DYNC2I1: variants seen among roughly 807,000 people sequenced by gnomAD.
The protein encoded by DYNC2I1 is dynein 2 intermediate chain 1, also known as cytoplasmic dynein 2 intermediate chain 1.
Under a neutral mutation model 133.4 loss-of-function variants are expected in DYNC2I1, and 89 were observed. That is an observed-to-expected ratio of 0.67 (90% CI 0.56 to 0.80). The LOEUF (loss-of-function observed/expected upper bound fraction) is 0.80, where lower values mean the gene tolerates loss of function less well. DYNC2I1 is among the 30% of genes least tolerant of loss of function. The pLI is 0.00. For missense variants in DYNC2I1, 1,291 were observed against 1,314.5 expected (o/e 0.98, Z 0.28); for synonymous variants, 504 against 484.3 (o/e 1.04, Z -0.54).
the DYNC2I1 span, among the ~76,000 whole-genome samples, chr7:158,850,294 G>A: frequency 2.6e-5 from 4 of 152,212 alleles, no homozygotes; most frequent in African/African-American, 9.6e-5. Flanking sequence ...GGAGGCCCAG[G>A]TCTACAGTTG....
At chr7:158,942,810 CCAGTATGGCTGGGGCGTGCATGT>C (rs1354743039) in intron 24 of DYNC2I1, among the ~76,000 whole-genome samples, 1 of 152,214 alleles carries the variant, frequency 6.6e-6, no homozygotes, top group African/African-American at 2.4e-5. Flanking sequence ...CACAGGCAGA[CCAGTATGGCTGGGGCGTGCATGT>C]CAGTTCACGT....
At chr7:158,915,777 A>G (rs1848136910) in intron 14 of DYNC2I1, among the ~76,000 whole-genome samples, 1 of 144,960 alleles carries the variant, frequency 6.9e-6, no homozygotes, top group Non-Finnish European at 1.5e-5. Flanking sequence ...GCTGGTTGAG[A>G]TTAAGGATGA....
intron 23 of DYNC2I1, among the ~76,000 whole-genome samples, chr7:158,938,671 G>A (rs1029219495): frequency 3.9e-5 from 6 of 152,088 alleles, no homozygotes; most frequent in African/African-American, 1.4e-4. Context: ...CAGGAGAATC[G>A]CTTTAACATG....
intron 15 of DYNC2I1, among the ~76,000 whole-genome samples, chr7:158,921,818 T>G (rs1162028582): frequency 6.6e-6 from 1 of 152,238 alleles, no homozygotes; most frequent in Non-Finnish European, 1.5e-5. Flanking sequence ...CCTATCCTCC[T>G]GTTTCACGAG....
rs1851785755 is a variant in DYNC2I1 at position 158,945,445 on chromosome 7, A to G, written c.3003-136A>G. On this transcript the variant is annotated intron_variant, in intron 24 of 24. Transcript: ENST00000407559. This position sits in a 1 kb window ranked among gnomAD's most constrained non-coding sequence, Gnocchi z 4.1. Reference sequence around the variant, plus strand: ...CACATTTATTTCTGGTCTAGCTTTCATTTTGGCTATTGGTATTTTTAGAAT... The same window carrying G: ...CACATTTATTTCTGGTCTAGCTTTCGTTTTGGCTATTGGTATTTTTAGAAT... 5 of 980,038 alleles carry G rather than the reference A, an allele frequency of 5.1e-6. No individual in the cohort carries two copies. The highest frequency in any genetic ancestry group is 7.4e-6 in the Non-Finnish European group (5 of 679,588). The allele number at this position is 980,038 out of a possible 1,614,324, so 60.7% of individuals were successfully genotyped here.
chr7:158,901,690 C>A, intron 8 of DYNC2I1, 49 bp from the exon 9 acceptor site: 3 of 1,233,422 alleles, frequency 2.4e-6, no homozygotes, highest in Non-Finnish European at 3.4e-6. Flanking sequence ...TTGCAATATT[C>A]AATTTTATGA....
chr7:158,890,871 G>C (rs1845141326), intron 7 of DYNC2I1, among the ~76,000 whole-genome samples: 1 of 152,094 alleles, frequency 6.6e-6, no homozygotes, highest in African/African-American at 2.4e-5. Context: ...ACTGTGCCCA[G>C]CCTGGGTAGT....
chr7:158,863,001 G>T (rs1446377689), intron 1 of DYNC2I1, among the ~76,000 whole-genome samples: 2 of 151,830 alleles, frequency 1.3e-5, no homozygotes, highest in East Asian at 3.9e-4. Context: ...GAGTGTTACA[G>T]CTCATAAAGG....
chr7:158,923,554 G>A lies in DYNC2I1; in HGVS notation c.2095-17G>A. On this transcript the variant is annotated splice_polypyrimidine_tract_variant and intron_variant, in intron 16 of 24. Transcript: ENST00000407559. ...CATATTCTTCTGTCATTGGCTTTCT[G>A]TGCCTTTGTCTTTTAGGTCACGTGT... 6.2e-7 allele frequency: 1 copy of A among 1,614,000 alleles called. No homozygotes were observed. The highest frequency in any genetic ancestry group is 8.5e-7 in the Non-Finnish European group (1 of 1,179,894).
chr7:158,883,859 T>G (rs1192853098), intron 5 of DYNC2I1, among the ~76,000 whole-genome samples: 1 of 148,652 alleles, frequency 6.7e-6, no homozygotes, highest in African/African-American at 2.5e-5. Flanking sequence ...AGAGACGGAG[T>G]TTCACCGTGT....
chr7:158,898,398 C>T (rs1295171838), intron 8 of DYNC2I1, among the ~76,000 whole-genome samples: 1 of 152,170 alleles, frequency 6.6e-6, no homozygotes, highest in East Asian at 1.9e-4. Context: ...TAGTTTTTGA[C>T]TTAAATAATT....
chr7:158,930,647 T>C, intron 21 of DYNC2I1, 132 bp downstream of exon 21: 2 of 740,308 alleles, frequency 2.7e-6, no homozygotes, highest in Non-Finnish European at 4.4e-6. Context: ...GTTTTTTTAC[T>C]GTTTTGTTAG....
intron 6 of DYNC2I1, 91 bp from the exon 7 acceptor site, chr7:158,886,930 G>T: frequency 1.7e-6 from 2 of 1,202,740 alleles, no homozygotes; most frequent in Non-Finnish European, 2.4e-6. Flanking sequence ...TCAAAATATT[G>T]TTAAGAGCTT....
intron 11 of DYNC2I1, among the ~76,000 whole-genome samples, chr7:158,909,588 C>T (rs114494904): frequency 0.015 from 2,331 of 152,134 alleles, 50 homozygotes; most frequent in African/African-American, 0.053. Flanking sequence ...CAGAGAAATC[C>T]TCCAGCTAAA....
Position 158,905,456 on chromosome 7 carries a change from A to G in DYNC2I1, c.1358-533A>G, listed in dbSNP as rs563513629. 2.4e-3 allele frequency among the ~76,000 whole-genome samples: 360 copies of G among 152,260 alleles called. 2 individuals are homozygous for G. Among genetic ancestry groups the G allele is most frequent in the African/African-American group, 8.5e-3 (353 of 41,566 alleles). ...GTATCTGGCCAAGTTGTTCATTCTT[A>G]TATAATATGAACCTTTTCCATCAGC... is the stretch of plus-strand genomic sequence containing the variant. On this transcript the variant is annotated intron_variant, in intron 10 of 24. Transcript: ENST00000407559.
At chr7:158,902,681 A>G in intron 10 of DYNC2I1, 86 bp downstream of exon 10, 1 of 1,244,096 alleles carries the variant, frequency 8.0e-7, no homozygotes, top group East Asian at 2.3e-5. Flanking sequence ...ACACAGGCCT[A>G]CTCTAATAAG....
At chr7:158,954,196 C>G (rs894486145) in intron 4 of DYNC2I1, among the ~76,000 whole-genome samples, 2 of 152,278 alleles carry the variant, frequency 1.3e-5, no homozygotes, top group Admixed American at 1.3e-4. Context: ...TGAGGCCTCC[C>G]CAGCCATGTG....
intron 4 of DYNC2I1, among the ~76,000 whole-genome samples, chr7:158,952,161 G>T (rs953161332): frequency 6.6e-6 from 1 of 152,164 alleles, no homozygotes; most frequent in Admixed American, 6.5e-5. Context: ...CGAGGAGGGC[G>T]CGGTAAACAC....
intron 24 of DYNC2I1, among the ~76,000 whole-genome samples, chr7:158,943,230 CTG>C (rs1851549859): frequency 6.6e-6 from 1 of 152,224 alleles, no homozygotes; most frequent in Non-Finnish European, 1.5e-5. Context: ...AAAATCCAGA[CTG>C]TGATTTGCAG....
Sources: gnomAD v4.1 joint callset for allele counts (sites outside exome capture counted in the v4.1 genomes callset) on GRCh38, gnomAD v4.1.1 for gene constraint, Gnocchi (gnomAD v3.1) non-coding constraint, MANE v1.5 for transcripts, NCBI Gene and HGNC (gene_info 2026-07-23, HGNC 2026-07-21) for gene names.